The following CDC7 variants were observed in gnomAD, a reference collection of about 807,000 sequenced individuals.
CDC7 encodes cell division cycle 7-related protein kinase.
Under a neutral mutation model 53.5 loss-of-function variants are expected in CDC7, and 34 were observed. The observed-to-expected ratio is 0.64, with a 90% CI of 0.48 to 0.85. The LOEUF (loss-of-function observed/expected upper bound fraction) is 0.85, where lower values mean the gene tolerates loss of function less well. Among genes scored for constraint, CDC7 ranks in the 40% least tolerant of loss-of-function variants. The pLI is 0.00. For synonymous variants in CDC7, 211 were observed against 222.8 expected (o/e 0.95, Z 0.47); for missense variants, 594 against 679.7 (o/e 0.87, Z 1.40).
At chr1:91,519,710 C>T (rs1432161419) in intron 10 of CDC7, among the ~76,000 whole-genome samples, 3 of 152,200 alleles carry the variant, frequency 2.0e-5, no homozygotes, top group Non-Finnish European at 4.4e-5. Flanking sequence ...CATTACTTTT[C>T]ACTAAAATGA....
chr1:91,520,499 T>C (rs1167002155), intron 11 of CDC7, among the ~76,000 whole-genome samples: 1 of 152,194 alleles, frequency 6.6e-6, no homozygotes, highest in South Asian at 2.1e-4. Flanking sequence ...AATACACTGT[T>C]GCAGTATTTA....
chr1:91,513,829 T>C lies in CDC7; in HGVS notation c.823-119T>C, dbSNP rs182026561. 1.2e-4 allele frequency: 80 copies of C among 650,194 alleles called. No individual in the cohort carries two copies. The Admixed American group carries it at 2.2e-3, about 18-fold the overall frequency. The allele number at this position is 650,194 out of a possible 1,614,324, so 40.3% of individuals were successfully genotyped here. Reference sequence around the variant, plus strand: ...AAGTGGTTTGGTGCCTGAGAATGACTTGGATGCAGCTGTTTTTGTTTCATC... The same window carrying C: ...AAGTGGTTTGGTGCCTGAGAATGACCTGGATGCAGCTGTTTTTGTTTCATC... On this transcript the variant is annotated intron_variant, in intron 7 of 11. Transcript: ENST00000234626.
intron 1 of CDC7, 183 bp from the exon 2 acceptor site, chr1:91,501,471 T>G: frequency 1.3e-5 from 5 of 389,828 alleles, no homozygotes; most frequent in East Asian, 7.8e-5. Flanking sequence ...CCCCTGCCGG[T>G]GTTTCTGATA....
chr1:91,520,034 G>C, intron 10 of CDC7, 96 bp from the exon 11 acceptor site: 1 of 990,194 alleles, frequency 1.0e-6, no homozygotes, highest in Non-Finnish European at 1.4e-6. Context: ...AGGCTCCCAA[G>C]GTGATTCTAA....
intron 2 of CDC7, 49 bp downstream of exon 2, chr1:91,501,880 A>G: frequency 7.6e-7 from 1 of 1,315,570 alleles, no homozygotes; most frequent in Non-Finnish European, 1.1e-6. Context: ...TTTTCAGGCA[A>G]CAATTCTGTG....
chr1:91,521,783 C>T (rs1292874304), intron 11 of CDC7, among the ~76,000 whole-genome samples: 1 of 152,088 alleles, frequency 6.6e-6, no homozygotes, highest in African/African-American at 2.4e-5. Context: ...AATGGAAATA[C>T]AACATCTGAC....
intron 1 of CDC7, chr1:91,501,296 G>T: frequency 5.9e-6 from 1 of 169,428 alleles, no homozygotes; most frequent in Non-Finnish European, 1.3e-5. Context: ...CCTGTCAGTG[G>T]CGAAAAGGTT....
chr1:91,520,667 T>A (rs2102401108), intron 11 of CDC7, among the ~76,000 whole-genome samples: 1 of 152,338 alleles, frequency 6.6e-6, no homozygotes, highest in Non-Finnish European at 1.5e-5. Flanking sequence ...TCAGATGCAC[T>A]ATGTCTTGGT....
At chr1:91,506,109 G>A (rs1217856719) in intron 2 of CDC7, among the ~76,000 whole-genome samples, 1 of 152,128 alleles carries the variant, frequency 6.6e-6, no homozygotes, top group African/African-American at 2.4e-5. Flanking sequence ...CTGGGCTCAA[G>A]GTATCCTTCT....
chr1:91,514,465 A>G (rs1276161033), intron 8 of CDC7, among the ~76,000 whole-genome samples: 2 of 152,216 alleles, frequency 1.3e-5, no homozygotes, highest in Non-Finnish European at 2.9e-5. Context: ...TGAGCAACAA[A>G]TTAAAACTGT....
intron 2 of CDC7, among the ~76,000 whole-genome samples, chr1:91,507,597 T>C (rs1667058919): frequency 7.0e-6 from 1 of 142,228 alleles, no homozygotes; most frequent in African/African-American, 2.4e-5. Flanking sequence ...ACAGTAACAA[T>C]GTATCTCTTA....
At chr1:91,502,681 G>A (rs941432274) in intron 2 of CDC7, among the ~76,000 whole-genome samples, 3 of 151,960 alleles carry the variant, frequency 2.0e-5, no homozygotes, top group Non-Finnish European at 4.4e-5. Flanking sequence ...TCCCCATATC[G>A]TCACCTAGCT....
intron 9 of CDC7, among the ~76,000 whole-genome samples, chr1:91,515,234 C>T (rs775208946): frequency 5.9e-5 from 9 of 152,036 alleles, no homozygotes; most frequent in Admixed American, 1.3e-4. Flanking sequence ...ATAAGTGGGA[C>T]GGGGTGGCTT....
chr1:91,506,371 G>C (rs948645279), intron 2 of CDC7, among the ~76,000 whole-genome samples: 8 of 150,330 alleles, frequency 5.3e-5, no homozygotes, highest in African/African-American at 2.0e-4. Context: ...TCTTGTTCCT[G>C]TCTTTACAGA....
At chr1:91,519,988 A>T in intron 10 of CDC7, 142 bp from the exon 11 acceptor site, 1 of 558,900 alleles carries the variant, frequency 1.8e-6, no homozygotes, top group Non-Finnish European at 2.9e-6. Context: ...GAACTGTTCA[A>T]TCAAAATCTT....
Position 91,508,354 on chromosome 1 carries a change from C to G in CDC7, c.292C>G (p.Pro98Ala). 4 of 1,611,906 alleles carry G rather than the reference C, an allele frequency of 2.5e-6. No individual in the cohort carries two copies. The highest frequency in any genetic ancestry group is 1.1e-5 in the South Asian group (1 of 90,818). Residue 98 changes from proline (P) to alanine (A), a missense_variant, in exon 4 of 12, where the codon CCT (proline) becomes GCT (alanine). Pro to Ala is a conservative substitution (Grantham distance 27). Coordinates refer to ENST00000234626, the MANE Select transcript of CDC7 (RefSeq NM_003503.4). ...AAAACACTTGATTCCAACAAGTCAT[C>G]CTATAAGAATTGCAGCTGAACTTCA... ...ALKHLIPTSHPIRIAAELQCL... is the reference protein window; with the variant it reads ...ALKHLIPTSHAIRIAAELQCL...
intron 2 of CDC7, among the ~76,000 whole-genome samples, chr1:91,503,324 T>C (rs1666804171): frequency 6.6e-6 from 1 of 152,034 alleles, no homozygotes; most frequent in African/African-American, 2.4e-5. Flanking sequence ...AAATATGATC[T>C]TAATAACAGC....
intron 11 of CDC7, among the ~76,000 whole-genome samples, chr1:91,520,826 A>G (rs1045206928): frequency 1.3e-5 from 2 of 152,202 alleles, no homozygotes; most frequent in Non-Finnish European, 2.9e-5. Flanking sequence ...AGCAGAATGC[A>G]TAGAAGGCCT....
rs1290100206 is a variant in CDC7 at position 91,514,847 on chromosome 1, T to C, written c.947T>C (p.Val316Ala). 6.2e-7 allele frequency: 1 copy of C among 1,612,046 alleles called. No individual in the cohort carries two copies. The highest frequency in any genetic ancestry group is 1.3e-5 in the African/African-American group (1 of 74,846). The change falls in exon 9 of 12, where the codon GTA (valine) becomes GCA (alanine). Residue 316 changes from valine (V) to alanine (A), a missense_variant. Val to Ala is a moderately conservative substitution (Grantham distance 64). Transcript: ENST00000234626. ...ATGAAGCAGTCAAAGACTGTGGATG[T>C]ACTGTCTAGAAAGTTAGCAACAAAA... is the stretch of plus-strand genomic sequence containing the variant. ...KLMKQSKTVDVLSRKLATKKK... is the reference protein window; with the variant it reads ...KLMKQSKTVDALSRKLATKKK...
Sources: allele counts gnomAD v4.1 joint callset (sites outside exome capture counted in the v4.1 genomes callset), GRCh38; gene constraint gnomAD v4.1.1; transcripts MANE v1.5; gene names NCBI Gene and HGNC (gene_info 2026-07-23, HGNC 2026-07-21).